CCDC171: variants seen among roughly 807,000 people sequenced by gnomAD.
CCDC171 encodes coiled-coil domain-containing protein 171.
A neutral mutation model predicts 168.2 loss-of-function variants in CCDC171; 177 were observed. The ratio of observed to expected loss-of-function variants is 1.05; its 90% CI spans 0.93 to 1.19. The LOEUF (loss-of-function observed/expected upper bound fraction) is 1.19, where lower values mean the gene tolerates loss of function less well. CCDC171 is among the 50% of genes most tolerant of loss of function. The pLI is 0.00. For missense variants in CCDC171, 1,991 were observed against 1,539.0 expected, an observed-to-expected ratio of 1.29 and a Z score of -4.91; for synonymous variants, 687 against 540.8, an observed-to-expected ratio of 1.27 and a Z score of -3.75.
intron 21 of CCDC171, among the ~76,000 whole-genome samples, chr9:15,836,447 G>T (rs982136282): frequency 6.6e-6 from 1 of 152,008 alleles, no homozygotes; most frequent in Non-Finnish European, 1.5e-5. Context: ...CTTACTGCAA[G>T]CTCCGCCTCC....
At chr9:15,701,668 C>G (rs1283106833) in intron 11 of CCDC171, among the ~76,000 whole-genome samples, 1 of 151,864 alleles carries the variant, frequency 6.6e-6, no homozygotes, top group Non-Finnish European at 1.5e-5. Flanking sequence ...CAACCTCCGC[C>G]TCTCCGGAGT....
At chr9:15,845,686 G>C (rs1352644812) in intron 21 of CCDC171, 1 of 151,958 alleles carries the variant, frequency 6.6e-6, no homozygotes, top group Non-Finnish European at 1.5e-5. Context: ...AACTGAGCAA[G>C]AAGAAAACAT....
At position 15,707,815 on chromosome 9, in the gene CCDC171, A is replaced by G. The variant is rs75277389; in HGVS notation, c.1318+12478A>G. Among the ~76,000 whole-genome samples the G allele has an allele frequency of 6.0e-3, 914 of 152,344 alleles. 15 individuals are homozygous for G. Among genetic ancestry groups the G allele is most frequent in the African/African-American group, 0.021 (860 of 41,580 alleles). On this transcript the variant is annotated intron_variant, in intron 11 of 25. Coordinates refer to ENST00000380701, the MANE Select transcript of CCDC171 (RefSeq NM_173550.4). ...GTTTGTAGAGAGTATAGTATTGTAT[A>G]AAGAAAACATTCAGATAATTAAAAA...
intron 24 of CCDC171, among the ~76,000 whole-genome samples, chr9:15,897,085 A>G (rs1276125326): frequency 1.3e-5 from 2 of 152,056 alleles, no homozygotes; most frequent in Non-Finnish European, 2.9e-5. Flanking sequence ...GCATGTATAG[A>G]TCTCATTCAG....
At chr9:15,774,830 T>TA (rs2057222750) in intron 18 of CCDC171, among the ~76,000 whole-genome samples, 1 of 152,246 alleles carries the variant, frequency 6.6e-6, no homozygotes, top group South Asian at 2.1e-4. Context: ...TGGAGACCAT[T>TA]ATTCTAAGTG....
Position 15,920,780 on chromosome 9 carries a change from G to A in CCDC171, c.3753+358G>A, listed in dbSNP as rs75310156. Among the ~76,000 whole-genome samples the A allele has an allele frequency of 0.01, 1,547 of 151,710 alleles. 108 individuals carry two copies. In the East Asian group the frequency reaches 0.15, roughly 15 times the overall value. Reference sequence around the variant, plus strand: ...TAAGACAGAATATTATTAATTATGCGTATAACCAAAATGGTAATTAGAACA... The same window carrying A: ...TAAGACAGAATATTATTAATTATGCATATAACCAAAATGGTAATTAGAACA... On this transcript the variant is annotated intron_variant, in intron 25 of 25. Transcript: ENST00000380701.
At chr9:15,873,961 A>C (rs1275947253) in intron 23 of CCDC171, among the ~76,000 whole-genome samples, 1 of 152,136 alleles carries the variant, frequency 6.6e-6, no homozygotes, top group Non-Finnish European at 1.5e-5. Context: ...TTAAGACTCA[A>C]GTTTAATAAA....
intron 9 of CCDC171, among the ~76,000 whole-genome samples, chr9:15,667,025 G>A (rs879859857): frequency 2.6e-5 from 4 of 152,150 alleles, no homozygotes; most frequent in Non-Finnish European, 4.4e-5. Flanking sequence ...GGCTAAACAA[G>A]AGTAAGGACA....
chr9:15,698,575 A>G (rs2051414314), intron 11 of CCDC171, among the ~76,000 whole-genome samples: 1 of 150,086 alleles, frequency 6.7e-6, no homozygotes, highest in South Asian at 2.1e-4. Flanking sequence ...TGCCTGGCTT[A>G]TTTAACTTAA....
the CCDC171 span, among the ~76,000 whole-genome samples, chr9:16,093,196 T>G: frequency 6.6e-6 from 1 of 152,242 alleles, no homozygotes; most frequent in Non-Finnish European, 1.5e-5. Context: ...GTTAGAATTC[T>G]TTGATGAAAA....
intron 6 of CCDC171, among the ~76,000 whole-genome samples, chr9:15,596,867 T>C (rs2042410978): frequency 6.6e-6 from 1 of 152,204 alleles, no homozygotes; most frequent in South Asian, 2.1e-4. Context: ...TCACATCCCT[T>C]GTAAGTTGGA....
chr9:16,098,672 A>G, the CCDC171 span, among the ~76,000 whole-genome samples: 2 of 152,210 alleles, frequency 1.3e-5, 1 homozygote, highest in South Asian at 4.1e-4. Flanking sequence ...TTAAAACACT[A>G]CTAGTTGGGT....
chr9:15,879,619 C>A (rs900819115), intron 24 of CCDC171, among the ~76,000 whole-genome samples: 11 of 152,062 alleles, frequency 7.2e-5, no homozygotes, highest in African/African-American at 2.7e-4. Flanking sequence ...AACCTAATAA[C>A]ATATCTTTCT....
At chr9:15,623,489 A>C in intron 7 of CCDC171, 76 bp downstream of exon 7, 1 of 600,682 alleles carries the variant, frequency 1.7e-6, no homozygotes, top group South Asian at 3.7e-5. Flanking sequence ...ACACACACAC[A>C]CACACACACA....
intron 21 of CCDC171, among the ~76,000 whole-genome samples, chr9:15,831,247 C>T (rs546322860): frequency 7.2e-5 from 11 of 152,214 alleles, no homozygotes; most frequent in African/African-American, 2.4e-4. Context: ...GCTAGGATTA[C>T]AGGTGTGAGC....
At chr9:15,600,471 G>A (rs1232110923) in intron 6 of CCDC171, among the ~76,000 whole-genome samples, 1 of 152,214 alleles carries the variant, frequency 6.6e-6, no homozygotes, top group Non-Finnish European at 1.5e-5. Flanking sequence ...AACAGCCAAT[G>A]TTGCTGCCTG....
chr9:16,098,362 G>C, the CCDC171 span, among the ~76,000 whole-genome samples: 1 of 152,232 alleles, frequency 6.6e-6, no homozygotes, highest in East Asian at 1.9e-4. Context: ...TGTCGTCGTC[G>C]TCATCATCAT....
chr9:15,591,289 C>G (rs2041990474), intron 4 of CCDC171, 77 bp from the exon 5 acceptor site: 7 of 826,182 alleles, frequency 8.5e-6, no homozygotes, highest in Middle Eastern at 2.9e-4. Flanking sequence ...ATGATGTCAA[C>G]TCCAATGCCT....
intron 6 of CCDC171, among the ~76,000 whole-genome samples, chr9:15,610,470 A>AC (rs1366759596): frequency 4.3e-5 from 6 of 140,048 alleles, no homozygotes; most frequent in Admixed American, 1.5e-4. Flanking sequence ...AAAAAAAAAA[A>AC]AAAAAAAAAA....
Sources: gnomAD v4.1 joint callset for allele counts (sites outside exome capture counted in the v4.1 genomes callset) on GRCh38, gnomAD v4.1.1 for gene constraint, MANE v1.5 for transcripts, NCBI Gene and HGNC (gene_info 2026-07-23, HGNC 2026-07-21) for gene names.